SLC45A2: variants seen among roughly 807,000 people sequenced by gnomAD.
SLC45A2 encodes membrane-associated transporter protein.
A neutral mutation model predicts 45.5 loss-of-function variants in SLC45A2; 36 were observed. That is an observed-to-expected ratio of 0.79 (90% CI 0.61 to 1.04). The LOEUF is 1.04. SLC45A2 is among the 50% of genes least tolerant of loss of function. The pLI, the probability that SLC45A2 is intolerant of heterozygous loss-of-function variation, is 0.00. For synonymous variants in SLC45A2, 306 were observed against 269.3 expected (o/e 1.14, Z -1.33); for missense variants, 719 against 671.0 (o/e 1.07, Z -0.79).
chr5:33,967,763 T>G (rs1036487577), intron 2 of SLC45A2, among the ~76,000 whole-genome samples: 2 of 150,834 alleles, frequency 1.3e-5, no homozygotes, highest in African/African-American at 4.9e-5. Flanking sequence ...ATATTTAGTC[T>G]AGCATTTTTT....
At chr5:33,966,746 T>C (rs115499762) in intron 2 of SLC45A2, among the ~76,000 whole-genome samples, 1,585 of 152,362 alleles carry the variant, frequency 0.01, 29 homozygotes, top group African/African-American at 0.036. Flanking sequence ...AGGATTTCTC[T>C]TCATTAGCAA....
In SLC45A2 at chr5:33,963,776, T is replaced by TA. The variant is rs753041550; in HGVS notation, c.802dup (p.Tyr268LeufsTer8). On this transcript the variant is annotated frameshift_variant, in exon 3 of 7. Coordinates refer to ENST00000296589, the MANE Select transcript of SLC45A2 (RefSeq NM_016180.5). LOFTEE classifies it high-confidence loss of function. ...ATTTTTAACTTTCTCGATAGAACCA[T>TA]ACTCGTACATTCCATCTGATGACAA... 59 of 1,614,074 alleles carry TA rather than the reference T, an allele frequency of 3.7e-5. No homozygotes were observed. The highest frequency in any genetic ancestry group is 4.9e-5 in the Non-Finnish European group (58 of 1,180,034).
chr5:33,946,479 C>A, intron 6 of SLC45A2: 1 of 985,620 alleles, frequency 1.0e-6, no homozygotes, highest in Non-Finnish European at 1.2e-6. Context: ...AAGAAAGTTG[C>A]AAATTTTGAT....
At chr5:33,973,532 CAA>C (rs1752843287) in intron 2 of SLC45A2, among the ~76,000 whole-genome samples, 1 of 152,200 alleles carries the variant, frequency 6.6e-6, no homozygotes, top group Non-Finnish European at 1.5e-5. Context: ...AAGGTTTAGT[CAA>C]AGAGTCTCTT....
At chr5:33,972,055 C>G in intron 2 of SLC45A2, 1 of 485,720 alleles carries the variant, frequency 2.1e-6, no homozygotes, top group Non-Finnish European at 4.2e-6. Context: ...ACTGCAATTT[C>G]TTAAAGGTTG....
chr5:33,950,814 A>G (rs950336105), intron 5 of SLC45A2, among the ~76,000 whole-genome samples: 49 of 152,334 alleles, frequency 3.2e-4, no homozygotes, highest in African/African-American at 1.1e-3. Context: ...AGCTCTTTAT[A>G]ATTAGGAGAA....
chr5:33,950,596 A>G (rs1175274187), intron 5 of SLC45A2, among the ~76,000 whole-genome samples: 2 of 152,126 alleles, frequency 1.3e-5, no homozygotes, highest in African/African-American at 2.4e-5. Flanking sequence ...GGGCCCTCAC[A>G]TACATCCACA....
rs371592288 is a variant in SLC45A2, at chr5:33,984,590, T to C, written c.-7A>G. The C allele has an allele frequency of 3.0e-4, 476 of 1,608,576 alleles. No individual in the cohort carries two copies. The highest frequency in any genetic ancestry group is 3.8e-4 in the Non-Finnish European group (452 of 1,179,996). ...GCCCACTGTTGCTACCCATGGCCAC[T>C]GGGAGAGGAACCTTCCTGCGAGCCC... On this transcript the variant is annotated 5_prime_UTR_variant, in exon 1 of 7. Transcript: ENST00000296589.
rs1397050176 is a variant in SLC45A2 at position 33,957,801 on chromosome 5, A to G, written c.889-3297T>C. 2.0e-5 allele frequency among the ~76,000 whole-genome samples: 3 copies of G among 152,280 alleles called. No individual in the cohort carries two copies. In the East Asian group the frequency reaches 5.8e-4, roughly 29 times the overall value. On this transcript the variant is annotated intron_variant, in intron 3 of 6. Coordinates refer to ENST00000296589, the MANE Select transcript of SLC45A2 (RefSeq NM_016180.5). ...GTACTCAGCCTCATTCTAAATATTA[A>G]TATATGCTTCTGACTTATACATAAT... is the stretch of plus-strand genomic sequence containing the variant.
Position 33,963,718 on chromosome 5 carries a change from T to A in SLC45A2, c.861A>T (p.Gly287=). ...GTTCAGCATGATTTTTGTTTTTTGC[T>A]CCCTGCATTGCCAGCTCTGGATTTA... ...GYVNPELAMQ[G]AKNKNHAEQT... Residue 287 remains glycine, a synonymous_variant, in exon 3 of 7, where the codon GGA becomes GGT. Transcript: ENST00000296589. The A allele has an allele frequency of 6.2e-7, 1 of 1,614,092 alleles. No individual in the cohort carries two copies. The highest frequency in any genetic ancestry group is 1.1e-5 in the South Asian group (1 of 91,082).
At chr5:33,951,435 A>G in intron 5 of SLC45A2, 119 bp downstream of exon 5, 1 of 1,598,646 alleles carries the variant, frequency 6.3e-7, no homozygotes, top group Non-Finnish European at 8.5e-7. Context: ...CCTGACGTCC[A>G]TAGATTTATT....
chr5:33,972,243 TG>T, intron 2 of SLC45A2: 1 of 519,160 alleles, frequency 1.9e-6, no homozygotes, highest in South Asian at 1.5e-5. Flanking sequence ...AGAACTTTAA[TG>T]GAGTTACTGA....
Position 33,982,273 on chromosome 5 carries a change from G to A in SLC45A2, c.525C>T (p.Asp175=). The A allele has an allele frequency of 6.2e-7, 1 of 1,614,072 alleles. No individual in the cohort carries two copies. Among genetic ancestry groups the A allele is most frequent in the Non-Finnish European group, 8.5e-7 (1 of 1,179,998 alleles). ...AYLFDVCSHQ[D]KEKGLHYHAL... ...CATGGTAGTGGAGGCCCTTCTCCTT[G>A]TCCTGATGGGAGCAGACATCAAATA... Residue 175 remains aspartate, a synonymous_variant, in exon 2 of 7, where the codon GAC becomes GAT. Coordinates refer to ENST00000296589, the MANE Select transcript of SLC45A2 (RefSeq NM_016180.5).
At chr5:33,975,480 G>A (rs1045435211) in intron 2 of SLC45A2, among the ~76,000 whole-genome samples, 4 of 152,132 alleles carry the variant, frequency 2.6e-5, no homozygotes, top group African/African-American at 7.2e-5. Flanking sequence ...AGGTAAAATT[G>A]CGAGCAGGCA....
chr5:33,974,630 AG>A (rs1257388430), intron 2 of SLC45A2, among the ~76,000 whole-genome samples: 1 of 152,214 alleles, frequency 6.6e-6, no homozygotes, highest in East Asian at 1.9e-4. Context: ...AAATTCAAAA[AG>A]TTTGGCATGT....
intron 3 of SLC45A2, among the ~76,000 whole-genome samples, chr5:33,958,744 C>T (rs1415206279): frequency 2.0e-5 from 3 of 152,122 alleles, no homozygotes; most frequent in Non-Finnish European, 2.9e-5. Context: ...TCATGTGGCC[C>T]CTACTAGAAA....
In SLC45A2 at chr5:33,964,035, T is replaced by A. The variant is rs376784068; in HGVS notation, c.563-19A>T. 762 of 1,611,388 alleles carry A rather than the reference T, an allele frequency of 4.7e-4. 4 individuals carry two copies. In the African/African-American group the frequency reaches 9.3e-3, roughly 20 times the overall value. ...CCAAAACCTGGAAAGCAAGAAAAGC[T>A]ATGTTAGCATATTTAGCAAATTATC... On this transcript the variant is annotated intron_variant, in intron 2 of 6. Transcript: ENST00000296589.
At chr5:33,967,978 A>AG (rs895224731) in intron 2 of SLC45A2, among the ~76,000 whole-genome samples, 1 of 151,422 alleles carries the variant, frequency 6.6e-6, no homozygotes, top group African/African-American at 2.4e-5. Flanking sequence ...AAAAAAAAAA[A>AG]GGGAAGAACT....
intron 2 of SLC45A2, among the ~76,000 whole-genome samples, chr5:33,974,053 T>G (rs1049086202): frequency 6.6e-6 from 1 of 152,186 alleles, no homozygotes; most frequent in African/African-American, 2.4e-5. Context: ...AACAGCAAAG[T>G]CTTGGGTTCA....
Sources: gnomAD v4.1 joint callset for allele counts (sites outside exome capture counted in the v4.1 genomes callset) on GRCh38, gnomAD v4.1.1 for gene constraint, MANE v1.5 for transcripts, NCBI Gene and HGNC (gene_info 2026-07-23, HGNC 2026-07-21) for gene names.